XAB2: variants seen among roughly 807,000 people sequenced by gnomAD.
The protein encoded by XAB2 is pre-mRNA-splicing factor SYF1.
A neutral mutation model predicts 113.4 loss-of-function variants in XAB2; 57 were observed. The ratio of observed to expected loss-of-function variants is 0.50; its 90% CI spans 0.41 to 0.63. The LOEUF is 0.63. Ranked by LOEUF, XAB2 falls within the 20% of genes least tolerant of loss-of-function variation. XAB2 has a pLI of 0.00. For synonymous variants in XAB2, 497 were observed against 498.8 expected (o/e 1.00, Z 0.05); for missense variants, 1,037 against 1,233.3 (o/e 0.84, Z 2.38).
rs4134821 is a variant in XAB2, at chr19:7,627,536, C to T, written c.325-96G>A. On this transcript the variant is annotated intron_variant, in intron 3 of 18. Coordinates refer to ENST00000358368, the MANE Select transcript of XAB2 (RefSeq NM_020196.3). The surrounding 1 kb of genome is among the most constrained non-coding windows in gnomAD (Gnocchi z 4.5). ...CCTGTGGCTGAGCCACACCTGGGGC[C>T]ACCACATAAATGCGGCGGGACCCAG... The T allele has an allele frequency of 0.01, 15,941 of 1,528,672 alleles. 765 individuals are homozygous for T. The Admixed American group carries it at 0.15, about 14-fold the overall frequency. 94.7% of individuals were successfully genotyped at this position (1,528,672 alleles called of 1,614,324 possible). A position where few individuals can be genotyped will look rare whatever the true frequency, so the allele number is the denominator to read the frequency against.
chr19:7,625,441 T>G lies in XAB2; in HGVS notation c.822+439A>C, dbSNP rs1301710524. 6.6e-6 allele frequency among the ~76,000 whole-genome samples: 1 copy of G among 150,950 alleles called. No individual in the cohort carries two copies. The highest frequency in any genetic ancestry group is 2.4e-5 in the African/African-American group (1 of 40,998). On this transcript the variant is annotated intron_variant, in intron 6 of 18. Coordinates refer to ENST00000358368, the MANE Select transcript of XAB2 (RefSeq NM_020196.3). The surrounding 1 kb of genome is among the most constrained non-coding windows in gnomAD (Gnocchi z 5.2). Reference sequence around the variant, plus strand: ...CACCCTCAGCAGGATAGTAATCGTGTGCAGGGATATGCATGTCTGTCAAAA... The same window carrying G: ...CACCCTCAGCAGGATAGTAATCGTGGGCAGGGATATGCATGTCTGTCAAAA...
rs1350252170 is a variant in XAB2, at chr19:7,620,204, A to T, written c.2266+71T>A. The T allele has an allele frequency of 5.6e-6, 9 of 1,603,306 alleles. No individual in the cohort carries two copies. The Admixed American group carries it at 1.3e-4, about 24-fold the overall frequency. ...TGCCATCAGGATCCGAGGCTCCCAG[A>T]CCCGGAAAGCCCAGGTCAGGCCGGG... On this transcript the variant is annotated intron_variant, in intron 16 of 18. Transcript: ENST00000358368.
chr19:7,622,458 G>T lies in XAB2; in HGVS notation c.1504-14C>A. On this transcript the variant is annotated splice_polypyrimidine_tract_variant and intron_variant, in intron 11 of 18. Transcript: ENST00000358368. The stretch of plus-strand genomic sequence containing the variant: ...GGCCTTGGTGGACTGCAGGGGTGGG[G>T]ATGGGAAAGGTTGGAGCTGGTTCTG... 6.2e-7 allele frequency: 1 copy of T among 1,614,176 alleles called. No individual in the cohort carries two copies. Among genetic ancestry groups the T allele is most frequent in the Non-Finnish European group, 8.5e-7 (1 of 1,180,038 alleles).
Position 7,623,943 on chromosome 19 carries a change from A to C in XAB2, c.968-61T>G, listed in dbSNP as rs1383435187. The C allele has an allele frequency of 2.7e-6, 4 of 1,476,756 alleles. No individual in the cohort carries two copies. In the African/African-American group the frequency reaches 4.2e-5, roughly 15 times the overall value. The allele number at this position is 1,476,756 out of a possible 1,614,324, so 91.5% of individuals were successfully genotyped here. ...CCCAGGATGCAGGTCCCCGGATGCC[A>C]CCGCCTCCACTCCCCACCCTCACTC... is the stretch of plus-strand genomic sequence containing the variant. On this transcript the variant is annotated intron_variant, in intron 7 of 18. Transcript: ENST00000358368. The surrounding 1 kb of genome is among the most constrained non-coding windows in gnomAD (Gnocchi z 4.6).
At chr19:7,621,557 A>C (rs1404596589) in intron 12 of XAB2, 1 of 493,794 alleles carries the variant, frequency 2.0e-6, no homozygotes, top group African/African-American at 1.9e-5. Context: ...TGATGGGTGA[A>C]GGTGGGTGGC....
rs983427615 is a variant in XAB2, at chr19:7,622,196, G to A, written c.1617+135C>T. Reference sequence around the variant, plus strand: ...CTTCCAGCCTCCAGGACGGGGAGAAGCTAAATCTTTGTTGTTTAAGTCACC... The same window carrying A: ...CTTCCAGCCTCCAGGACGGGGAGAAACTAAATCTTTGTTGTTTAAGTCACC... On this transcript the variant is annotated intron_variant, in intron 12 of 18. Coordinates refer to ENST00000358368, the MANE Select transcript of XAB2 (RefSeq NM_020196.3). 1.3e-5 allele frequency: 11 copies of A among 857,854 alleles called. No homozygotes were observed. The East Asian group carries it at 2.8e-4, about 22-fold the overall frequency. The allele number at this position is 857,854 out of a possible 1,614,324, so 53.1% of individuals were successfully genotyped here. A position where few individuals can be genotyped will look rare whatever the true frequency, so the allele number is the denominator to read the frequency against.
intron 1 of XAB2, among the ~76,000 whole-genome samples, chr19:7,629,069 C>T (rs2031202491): frequency 6.6e-6 from 1 of 152,184 alleles, no homozygotes; most frequent in African/African-American, 2.4e-5. Context: ...GCAGTCCAGG[C>T]CTAGAGACCG....
At chr19:7,621,675 G>T in intron 12 of XAB2, 1 of 246,206 alleles carries the variant, frequency 4.1e-6, no homozygotes. Context: ...CCCCATTTGT[G>T]TATCTGTATA....
Position 7,627,108 on chromosome 19 carries a change from A to G in XAB2, c.522+135T>C, listed in dbSNP as rs1396483083. The G allele has an allele frequency of 2.9e-6, 3 of 1,023,214 alleles. No individual in the cohort carries two copies. The highest frequency in any genetic ancestry group is 4.3e-6 in the Non-Finnish European group (3 of 700,600). The allele number at this position is 1,023,214 out of a possible 1,614,324, so 63.4% of individuals were successfully genotyped here. A position where few individuals can be genotyped will look rare whatever the true frequency, so the allele number is the denominator to read the frequency against. On this transcript the variant is annotated intron_variant, in intron 4 of 18. Coordinates refer to ENST00000358368, the MANE Select transcript of XAB2 (RefSeq NM_020196.3). This position sits in a 1 kb window ranked among gnomAD's most constrained non-coding sequence, Gnocchi z 4.5. ...AAAATAAAGACATGAATCACGGACA[A>G]CAACAAAACACATGCATCTCCAGGA...
rs201887776 is a variant in XAB2 at position 7,620,465 on chromosome 19, A to G, written c.2095-19T>C. On this transcript the variant is annotated intron_variant, in intron 15 of 18. Coordinates refer to ENST00000358368, the MANE Select transcript of XAB2 (RefSeq NM_020196.3). ...CGGTCGTCTGCGTGGGGGGCAGGGC[A>G]GGGGTGGGTGTGTGTGCCCGTGAGC... The G allele has an allele frequency of 9.4e-5, 152 of 1,608,598 alleles. No homozygotes were observed. In the East Asian group the frequency reaches 2.9e-3, roughly 31 times the overall value.
Position 7,622,555 on chromosome 19 carries a change from A to T in XAB2, c.1478T>A (p.Leu493Gln). The T allele has an allele frequency of 6.2e-7, 1 of 1,613,742 alleles. No individual in the cohort carries two copies. The highest frequency in any genetic ancestry group is 8.5e-7 in the Non-Finnish European group (1 of 1,180,030). ...SLKVWSMLADLEESLGTFQST... is the reference protein window; with the variant it reads ...SLKVWSMLADQEESLGTFQST... Reference sequence around the variant, plus strand: ...CTGGAAGGTGCCGAGGCTCTCCTCCAGGTCGGCGAGCATGGACCAGACCTT... The same window carrying T: ...CTGGAAGGTGCCGAGGCTCTCCTCCTGGTCGGCGAGCATGGACCAGACCTT... The change falls in exon 11 of 19, where the codon CTG (leucine) becomes CAG (glutamine). Residue 493 changes from leucine to glutamine, a missense_variant. Leu to Gln is a moderately radical substitution (Grantham distance 113, BLOSUM62 -2). Coordinates refer to ENST00000358368, the MANE Select transcript of XAB2 (RefSeq NM_020196.3).
intron 1 of XAB2, 65 bp downstream of exon 1, chr19:7,629,412 T>A: frequency 1.3e-6 from 2 of 1,547,704 alleles, no homozygotes; most frequent in Admixed American, 2.0e-5. Context: ...CCAGCCTCGA[T>A]CCCCTGCGGC....
In XAB2 at chr19:7,623,231, T is replaced by G; in HGVS notation, c.1178A>C (p.Lys393Thr). ...QTVDPFKATGKPHTLWVAFAK... is the reference protein window; with the variant it reads ...QTVDPFKATGTPHTLWVAFAK... ...AAACGCCACCCACAGAGTGTGGGGCTTGCCTGTGGCCTTGAAGGGGTCCAC... is the reference window on the plus strand; with the variant it reads ...AAACGCCACCCACAGAGTGTGGGGCGTGCCTGTGGCCTTGAAGGGGTCCAC... The change falls in exon 9 of 19, where the codon AAG becomes ACG. Residue 393 changes from lysine to threonine, a missense_variant. Transcript: ENST00000358368. The surrounding 1 kb of genome is among the most constrained non-coding windows in gnomAD (Gnocchi z 4.6). The G allele has an allele frequency of 6.2e-7, 1 of 1,613,884 alleles. No homozygotes were observed. The highest frequency in any genetic ancestry group is 8.5e-7 in the Non-Finnish European group (1 of 1,180,038).
Position 7,620,091 on chromosome 19 carries a change from A to AG in XAB2, c.2267-17dup, listed in dbSNP as rs776148604. 1 of 1,609,302 alleles carries AG rather than the reference A, an allele frequency of 6.2e-7. No homozygotes were observed. The highest frequency in any genetic ancestry group is 2.2e-5 in the East Asian group (1 of 44,866). ...AGGTCAGACACTAGGGGGTGGGAGC[A>AG]GGGGGTCAGCGCCACGGGGGCCCCT... On this transcript the variant is annotated splice_polypyrimidine_tract_variant and intron_variant, in intron 16 of 18. Transcript: ENST00000358368.
rs552824014 is a variant in XAB2 at position 7,620,842 on chromosome 19, G to A, written c.1971+4C>T. ...GCCCCGGCCCAGCCCCCCACGGTGG[G>A]TACCTCAATGGCCTTCTGGTAGATG... On this transcript the variant is annotated splice_donor_region_variant and intron_variant, in intron 14 of 18. Coordinates refer to ENST00000358368, the MANE Select transcript of XAB2 (RefSeq NM_020196.3). 4.9e-5 allele frequency: 78 copies of A among 1,575,946 alleles called. 1 individual carries two copies. In the South Asian group the frequency reaches 8.8e-4, roughly 18 times the overall value.
In XAB2 at chr19:7,624,917, CCT is replaced by C. The variant is rs1429045180; in HGVS notation, c.823-474_823-473del. Among the ~76,000 whole-genome samples, 1 of 152,160 alleles carries C rather than the reference CCT, an allele frequency of 6.6e-6. No individual in the cohort carries two copies. The highest frequency in any genetic ancestry group is 2.4e-5 in the African/African-American group (1 of 41,436). On this transcript the variant is annotated intron_variant, in intron 6 of 18. Coordinates refer to ENST00000358368, the MANE Select transcript of XAB2 (RefSeq NM_020196.3). The surrounding 1 kb of genome is among the most constrained non-coding windows in gnomAD (Gnocchi z 4.2). Reference sequence around the variant, plus strand: ...GGCTCGCCCACCCCAGCTCAGGTCCCCTCTCTCTACCCAGCCCTGACGGGTCT... The same window carrying C: ...GGCTCGCCCACCCCAGCTCAGGTCCCCTCTCTACCCAGCCCTGACGGGTCT...
At position 7,627,660 on chromosome 19, in the gene XAB2, T is replaced by TACCCCC; in HGVS notation, c.324+67_324+68insGGGGGT. On this transcript the variant is annotated intron_variant, in intron 3 of 18. Coordinates refer to ENST00000358368, the MANE Select transcript of XAB2 (RefSeq NM_020196.3). This position sits in a 1 kb window ranked among gnomAD's most constrained non-coding sequence, Gnocchi z 4.5. ...CCTAACATGCTGAGCCCAGCCCCTG[T>TACCCCC]CCCCGCCCCACCCACCACCATGGAC... 3.2e-6 allele frequency: 5 copies of TACCCCC among 1,572,288 alleles called. No homozygotes were observed. Among genetic ancestry groups the TACCCCC allele is most frequent in the Non-Finnish European group, 4.4e-6 (5 of 1,147,994 alleles).
Position 7,624,517 on chromosome 19 carries a change from A to G in XAB2, c.823-72T>C. ...GACAGGCAGCAGCACTCTTAGCACC[A>G]GCCTCAATGTGGAACCCCTGGGGGC... On this transcript the variant is annotated intron_variant, in intron 6 of 18. Transcript: ENST00000358368. This position sits in a 1 kb window ranked among gnomAD's most constrained non-coding sequence, Gnocchi z 4.2. 1.9e-6 allele frequency: 3 copies of G among 1,603,790 alleles called. No homozygotes were observed. The highest frequency in any genetic ancestry group is 2.5e-6 in the Non-Finnish European group (3 of 1,177,126).
rs1467743596 is a variant in XAB2, at chr19:7,620,067, G to C, written c.2275C>G (p.Leu759Val). 6.2e-7 allele frequency: 1 copy of C among 1,611,702 alleles called. No individual in the cohort carries two copies. Among genetic ancestry groups the C allele is most frequent in the Admixed American group, 1.7e-5 (1 of 60,000 alleles). The change falls in exon 17 of 19, where the codon CTG (leucine) becomes GTG (valine). Residue 759 changes from leucine (L) to valine (V), a missense_variant. Physicochemically the swap from Leu to Val is conservative, Grantham distance 32. Coordinates refer to ENST00000358368, the MANE Select transcript of XAB2 (RefSeq NM_020196.3). ...TCCATGCCACTCTGCCCAGGGGCCAGGTCAGACACTAGGGGGTGGGAGCAG... is the reference window on the plus strand; with the variant it reads ...TCCATGCCACTCTGCCCAGGGGCCACGTCAGACACTAGGGGGTGGGAGCAG... ...SGSATGTVSD[L>V]APGQSGMDDM...
Sources: gnomAD v4.1 joint callset for allele counts (sites outside exome capture counted in the v4.1 genomes callset) on GRCh38, gnomAD v4.1.1 for gene constraint, Gnocchi (gnomAD v3.1) non-coding constraint, MANE v1.5 for transcripts, NCBI Gene and HGNC (gene_info 2026-07-23, HGNC 2026-07-21) for gene names.